SPOP: variants seen among roughly 807,000 people sequenced by gnomAD.
SPOP encodes speckle type BTB/POZ protein, also known as speckle-type POZ protein.
SPOP carries 11 observed loss-of-function variants against 45.6 expected under a neutral mutation model. The ratio of observed to expected loss-of-function variants is 0.24; its 90% CI spans 0.15 to 0.40. SPOP has a LOEUF of 0.40. Among genes scored for constraint, SPOP ranks in the 10% least tolerant of loss-of-function variants. SPOP has a pLI of 1.00. For synonymous variants in SPOP, 166 were observed against 166.3 expected (o/e 1.00, Z 0.01); for missense variants, 152 against 465.6 (o/e 0.33, Z 6.20).
chr17:49,604,218 G>A (rs1295787138), intron 8 of SPOP, among the ~76,000 whole-genome samples: 2 of 152,180 alleles, frequency 1.3e-5, no homozygotes, highest in Admixed American at 6.5e-5. Flanking sequence ...CCCAGAGCTT[G>A]CAGTGAATAT....
chr17:49,603,783 TTCAATTACTTC>T (rs2071783742), intron 8 of SPOP, among the ~76,000 whole-genome samples: 1 of 152,252 alleles, frequency 6.6e-6, no homozygotes, highest in African/African-American at 2.4e-5. Context: ...AAATACACCC[TTCAATTACTTC>T]TCATTCATAA....
intron 5 of SPOP, chr17:49,618,376 A>T (rs576249520): frequency 2.9e-6 from 1 of 348,960 alleles, no homozygotes; most frequent in African/African-American, 2.1e-5. Flanking sequence ...CTTCTCCTGT[A>T]AACCTGGGAA....
intron 1 of SPOP, among the ~76,000 whole-genome samples, chr17:49,641,316 A>C (rs1362831790): frequency 2.0e-5 from 3 of 150,448 alleles, no homozygotes; most frequent in African/African-American, 4.9e-5. Flanking sequence ...AACAACCACA[A>C]TCCTATTCCT....
chr17:49,617,263 C>A (rs1388138274), intron 5 of SPOP, among the ~76,000 whole-genome samples: 2 of 152,220 alleles, frequency 1.3e-5, no homozygotes, highest in African/African-American at 4.8e-5. Flanking sequence ...GAATTTTCTA[C>A]TATTTTTAAG....
intron 1 of SPOP, among the ~76,000 whole-genome samples, chr17:49,668,843 C>G (rs2073097628): frequency 6.7e-6 from 1 of 149,546 alleles, no homozygotes; most frequent in Non-Finnish European, 1.5e-5. Context: ...ATGGCACGAT[C>G]TCGGCTCACT....
intron 1 of SPOP, chr17:49,676,118 C>T (rs576161513): frequency 6.6e-6 from 1 of 152,130 alleles, no homozygotes; most frequent in East Asian, 1.9e-4. Flanking sequence ...CTAGATACTA[C>T]CTAAGTAATA....
At chr17:49,641,835 A>G (rs2072658097) in intron 1 of SPOP, among the ~76,000 whole-genome samples, 1 of 152,126 alleles carries the variant, frequency 6.6e-6, no homozygotes, top group South Asian at 2.1e-4. Context: ...CAGCCTGGCC[A>G]AAATGGTGAA....
At chr17:49,622,123 A>C in intron 2 of SPOP, 56 bp from the exon 3 acceptor site, 3 of 1,592,792 alleles carry the variant, frequency 1.9e-6, no homozygotes, top group Non-Finnish European at 2.6e-6. Flanking sequence ...CTGAAAAAAC[A>C]GGATGAAGGG....
chr17:49,670,539 A>G (rs2073123473), intron 1 of SPOP, among the ~76,000 whole-genome samples: 2 of 152,252 alleles, frequency 1.3e-5, no homozygotes, highest in Non-Finnish European at 2.9e-5. Flanking sequence ...AATCAGTAAG[A>G]TTACTCAAAT....
chr17:49,668,810 CTT>C (rs958802102), intron 1 of SPOP, among the ~76,000 whole-genome samples: 3 of 145,628 alleles, frequency 2.1e-5, no homozygotes, highest in African/African-American at 5.2e-5. Context: ...GTCTCTCACT[CTT>C]GTCACCCAGA....
At chr17:49,605,281 A>C (rs1010020680) in intron 8 of SPOP, among the ~76,000 whole-genome samples, 6 of 152,250 alleles carry the variant, frequency 3.9e-5, no homozygotes, top group Non-Finnish European at 7.3e-5. Flanking sequence ...AAAAGTTGAA[A>C]ATGCTAACCA....
At chr17:49,612,285 T>C (rs1453281699) in intron 5 of SPOP, among the ~76,000 whole-genome samples, 1 of 152,216 alleles carries the variant, frequency 6.6e-6, no homozygotes, top group Non-Finnish European at 1.5e-5. Context: ...TGGCACTTCT[T>C]CAAAAATATT....
At chr17:49,623,158 C>G (rs144176265) in intron 1 of SPOP, among the ~76,000 whole-genome samples, 1 of 151,982 alleles carries the variant, frequency 6.6e-6, no homozygotes, top group Non-Finnish European at 1.5e-5. Flanking sequence ...ACAGGCATGC[C>G]CCACCACACC....
In SPOP at chr17:49,599,277, C is replaced by T. The variant is rs1001273033; in HGVS notation, c.*1101G>A. 1 of 219,776 alleles carries T rather than the reference C, an allele frequency of 4.6e-6. No individual in the cohort carries two copies. The highest frequency in any genetic ancestry group is 5.8e-5 in the Admixed American group (1 of 17,210). The allele number at this position is 219,776 out of a possible 1,614,324, so 13.6% of individuals were successfully genotyped here. A position where few individuals can be genotyped will look rare whatever the true frequency, so the allele number is the denominator to read the frequency against. ...GAGTGAAACAAAAGACCAGAGATAC[C>T]ACACAGTACAAAATAGTAATTATTT... is the stretch of plus-strand genomic sequence containing the variant. On this transcript the variant is annotated 3_prime_UTR_variant, in exon 10 of 10. Coordinates refer to ENST00000504102, the MANE Select transcript of SPOP (RefSeq NM_001007228.2).
At chr17:49,638,566 A>G (rs2072586852) in intron 1 of SPOP, among the ~76,000 whole-genome samples, 1 of 145,378 alleles carries the variant, frequency 6.9e-6, no homozygotes, top group Non-Finnish European at 1.5e-5. Context: ...ACCTGGTGAC[A>G]GAGTGAGACT....
At chr17:49,620,736 G>A (rs762209580) in intron 3 of SPOP, 10 of 154,104 alleles carry the variant, frequency 6.5e-5, no homozygotes, top group Non-Finnish European at 1.5e-4. Context: ...AATGTCATTA[G>A]TCAAATGCAT....
intron 6 of SPOP, among the ~76,000 whole-genome samples, chr17:49,608,344 GGAA>G (rs1292468351): frequency 3.3e-5 from 5 of 152,180 alleles, no homozygotes; most frequent in African/African-American, 4.8e-5. Flanking sequence ...GGACTGCACA[GGAA>G]GAAGGTCAAG....
chr17:49,611,868 G>C (rs2071980986), intron 5 of SPOP, among the ~76,000 whole-genome samples: 1 of 143,496 alleles, frequency 7.0e-6, no homozygotes, highest in African/African-American at 2.6e-5. Flanking sequence ...TTAAACTCTA[G>C]AGACAAGAAT....
chr17:49,639,782 T>C (rs988484601), intron 1 of SPOP, among the ~76,000 whole-genome samples: 3 of 152,180 alleles, frequency 2.0e-5, no homozygotes, highest in African/African-American at 7.2e-5. Context: ...AGAGTGGTTA[T>C]TCTGAGCAAT....
Sources: gnomAD v4.1 joint callset for allele counts (sites outside exome capture counted in the v4.1 genomes callset) on GRCh38, gnomAD v4.1.1 for gene constraint, MANE v1.5 for transcripts, NCBI Gene and HGNC (gene_info 2026-07-23, HGNC 2026-07-21) for gene names.